Variants in TTC17 observed in about 807,000 individuals in gnomAD.
TTC17 encodes the protein tetratricopeptide repeat domain 17.
A neutral mutation model predicts 143.8 loss-of-function variants in TTC17; 58 were observed. The ratio of observed to expected loss-of-function variants is 0.40; its 90% CI spans 0.33 to 0.50. The LOEUF (loss-of-function observed/expected upper bound fraction) is 0.50, where lower values mean the gene tolerates loss of function less well. Ranked by LOEUF, TTC17 falls within the 20% of genes least tolerant of loss-of-function variation. The pLI, the probability that TTC17 is intolerant of heterozygous loss-of-function variation, is 0.49. For missense variants in TTC17, 1,273 were observed against 1,392.5 expected (o/e 0.91, Z 1.37); for synonymous variants, 501 against 497.8 (o/e 1.01, Z -0.09).
chr11:43,459,775 T>C (rs1000879707), intron 21 of TTC17, among the ~76,000 whole-genome samples: 6 of 152,242 alleles, frequency 3.9e-5, no homozygotes, highest in Admixed American at 3.3e-4. Context: ...CAAGTACCCA[T>C]ACAACCATTC....
At chr11:43,424,151 G>A (rs1946970905) in intron 16 of TTC17, among the ~76,000 whole-genome samples, 1 of 150,772 alleles carries the variant, frequency 6.6e-6, no homozygotes. Context: ...AGAGTGCAGT[G>A]GCTCTGTCTC....
intron 16 of TTC17, among the ~76,000 whole-genome samples, chr11:43,416,023 A>G (rs1946770772): frequency 6.6e-6 from 1 of 152,168 alleles, no homozygotes; most frequent in African/African-American, 2.4e-5. Flanking sequence ...GATACATAAT[A>G]GTTGCATTGT....
At position 43,490,276 on chromosome 11, in the gene TTC17, T is replaced by C; in HGVS notation, c.3068T>C (p.Leu1023Pro). 1 of 1,612,894 alleles carries C rather than the reference T, an allele frequency of 6.2e-7. No homozygotes were observed. The highest frequency in any genetic ancestry group is 2.2e-5 in the East Asian group (1 of 44,864). ...TGGGTCCTCTCCAGCATGGCAGCCC[T>C]CTACTGGAGGGTGAAAGGCCAAGGA... Reference protein sequence around the residue: ...TSWVLSSMAALYWRVKGQGKK... With the variant: ...TSWVLSSMAAPYWRVKGQGKK... Residue 1023 changes from leucine to proline, a missense_variant, in exon 22 of 24, where the codon CTC becomes CCC. Coordinates refer to ENST00000039989, the MANE Select transcript of TTC17 (RefSeq NM_018259.6).
intron 10 of TTC17, 67 bp from the exon 11 acceptor site, chr11:43,403,931 A>G (rs763128492): frequency 7.2e-7 from 1 of 1,382,952 alleles, no homozygotes; most frequent in East Asian, 2.5e-5. Flanking sequence ...TTTTGGTGTG[A>G]GTTAAATTAT....
intron 21 of TTC17, among the ~76,000 whole-genome samples, chr11:43,475,754 G>A (rs1432368100): frequency 6.6e-6 from 1 of 152,186 alleles, no homozygotes; most frequent in Non-Finnish European, 1.5e-5. Flanking sequence ...TTGGGATTTT[G>A]GAGCATATCA....
chr11:43,361,114 G>C (rs544147581), intron 1 of TTC17, among the ~76,000 whole-genome samples: 46 of 152,224 alleles, frequency 3.0e-4, no homozygotes, highest in Non-Finnish European at 5.0e-4. Context: ...ATTGGGTGCT[G>C]TGGTGAGCTG....
chr11:43,413,441 A>G (rs1367872169), intron 15 of TTC17, among the ~76,000 whole-genome samples: 4 of 152,222 alleles, frequency 2.6e-5, no homozygotes, highest in Non-Finnish European at 5.9e-5. Context: ...AAAGATGTCA[A>G]AAAGCACTAA....
chr11:43,436,048 T>A (rs557887555), intron 16 of TTC17: 73 of 901,102 alleles, frequency 8.1e-5, no homozygotes, highest in Non-Finnish European at 9.9e-5. Flanking sequence ...TGTGTTCTGC[T>A]GAAGAAAAAC....
intron 21 of TTC17, among the ~76,000 whole-genome samples, chr11:43,471,389 A>C (rs1047094832): frequency 2.0e-5 from 3 of 152,230 alleles, no homozygotes; most frequent in Non-Finnish European, 4.4e-5. Flanking sequence ...TCACAGACCC[A>C]GTCGCAGACA....
chr11:43,382,320 A>G (rs1453051482), intron 2 of TTC17, among the ~76,000 whole-genome samples: 1 of 152,222 alleles, frequency 6.6e-6, no homozygotes, highest in African/African-American at 2.4e-5. Flanking sequence ...ACCTAGTGGA[A>G]GTTCATAGAA....
chr11:43,384,267 T>C (rs1393851070), intron 2 of TTC17, among the ~76,000 whole-genome samples: 3 of 152,042 alleles, frequency 2.0e-5, no homozygotes, highest in Non-Finnish European at 4.4e-5. Flanking sequence ...AAAGGTGATA[T>C]GGATGTATTT....
intron 21 of TTC17, among the ~76,000 whole-genome samples, chr11:43,471,625 T>C (rs1011828574): frequency 1.3e-5 from 2 of 152,208 alleles, no homozygotes; most frequent in East Asian, 3.9e-4. Context: ...CGGGGGAAGA[T>C]TTCGAAGCCA....
At chr11:43,445,417 G>A (rs998636044) in intron 18 of TTC17, among the ~76,000 whole-genome samples, 4 of 151,910 alleles carry the variant, frequency 2.6e-5, no homozygotes, top group East Asian at 1.9e-4. Context: ...TGTTATAAAC[G>A]GTCATCTCTG....
intron 21 of TTC17, among the ~76,000 whole-genome samples, chr11:43,467,377 G>A (rs2134816579): frequency 6.6e-6 from 1 of 152,278 alleles, no homozygotes; most frequent in Non-Finnish European, 1.5e-5. Flanking sequence ...CAACATGGAG[G>A]AATCTTGAGG....
rs756190098 is a variant in TTC17, at chr11:43,397,998, G to C, written c.943G>C (p.Val315Leu). The C allele has an allele frequency of 6.2e-7, 1 of 1,612,348 alleles. No homozygotes were observed. The highest frequency in any genetic ancestry group is 8.5e-7 in the Non-Finnish European group (1 of 1,179,484). ...YAMLGEYNHS[V>L]LCYDHALQAR... is the part of the protein sequence containing the mutation. ...GATGCTTGGGGAATATAACCACTCA[G>C]TGCTCTGTTATGACCACGCTTTGCA... The change falls in exon 8 of 24, where the codon GTG (valine) becomes CTG (leucine). Residue 315 changes from valine to leucine, a missense_variant. This residue lies in a region of TTC17 where 325 missense variants were observed against 444.2 expected (regional missense o/e 0.73). Transcript: ENST00000039989.
At chr11:43,480,362 A>G (rs1014375900) in intron 21 of TTC17, among the ~76,000 whole-genome samples, 14 of 152,206 alleles carry the variant, frequency 9.2e-5, no homozygotes, top group Non-Finnish European at 1.5e-4. Flanking sequence ...AACCTATTTA[A>G]TAGCCACTAT....
At chr11:43,383,213 A>G (rs1857040610) in intron 2 of TTC17, among the ~76,000 whole-genome samples, 1 of 152,076 alleles carries the variant, frequency 6.6e-6, no homozygotes, top group Non-Finnish European at 1.5e-5. Flanking sequence ...TCTTTAACAA[A>G]TAAATTACAA....
At chr11:43,424,819 C>T (rs1946988426) in intron 16 of TTC17, among the ~76,000 whole-genome samples, 1 of 152,060 alleles carries the variant, frequency 6.6e-6, no homozygotes. Flanking sequence ...AGTAGAAAAC[C>T]TTGATGGGCA....
At chr11:43,399,186 C>A (rs951190407) in intron 8 of TTC17, among the ~76,000 whole-genome samples, 1 of 152,126 alleles carries the variant, frequency 6.6e-6, no homozygotes, top group African/African-American at 2.4e-5. Flanking sequence ...TAACTCTTAA[C>A]TTTGTCTTTA....
Sources: allele counts gnomAD v4.1 joint callset (sites outside exome capture counted in the v4.1 genomes callset), GRCh38; gene constraint gnomAD v4.1.1; regional missense constraint gnomAD v4.1.1; transcripts MANE v1.5; gene names NCBI Gene and HGNC (gene_info 2026-07-23, HGNC 2026-07-21).